Variants in CASK observed in about 807,000 individuals in gnomAD.
CASK encodes the protein peripheral plasma membrane protein CASK.
In CASK, 4 loss-of-function variants were observed where a neutral mutation model predicts 82.9. The ratio of observed to expected loss-of-function variants is 0.05; its 90% CI spans 0.02 to 0.11. The LOEUF (loss-of-function observed/expected upper bound fraction) is 0.11, where lower values mean the gene tolerates loss of function less well. Among genes scored for constraint, CASK ranks in the 10% least tolerant of loss-of-function variants. CASK has a pLI of 1.00. For synonymous variants in CASK, 259 were observed against 253.5 expected (o/e 1.02, Z -0.20); for missense variants, 358 against 720.9 (o/e 0.50, Z 5.76).
intron 4 of CASK, chrX:41,743,483 G>T: frequency 3.5e-6 from 1 of 284,817 alleles, no homozygotes; most frequent in Admixed American, 6.2e-5. Context: ...TAGATCAGAA[G>T]CCTAAAGAAC....
At chrX:41,847,135 T>G (rs778605051) in intron 2 of CASK, among the ~76,000 whole-genome samples, 1 of 111,956 alleles carries the variant, frequency 8.9e-6, no homozygotes. Flanking sequence ...ATTGGTTGTG[T>G]AGATTTATGT....
At chrX:41,707,902 G>A (rs768707932) in intron 5 of CASK, among the ~76,000 whole-genome samples, 3 of 111,343 alleles carry the variant, frequency 2.7e-5, no homozygotes, top group Non-Finnish European at 3.8e-5. Flanking sequence ...GGTGGATCAC[G>A]AAGTCAGGAG....
intron 21 of CASK, among the ~76,000 whole-genome samples, chrX:41,548,128 A>G (rs2065048616): frequency 9.0e-6 from 1 of 111,368 alleles, no homozygotes; most frequent in Non-Finnish European, 1.9e-5. Flanking sequence ...TTTTAATCTG[A>G]TTGGGTTTTG....
At chrX:41,759,454 G>A (rs896625462) in intron 3 of CASK, among the ~76,000 whole-genome samples, 3 of 111,758 alleles carry the variant, frequency 2.7e-5, no homozygotes, top group African/African-American at 9.8e-5. Context: ...AGTGTGTCCT[G>A]TGGTAGTTCT....
chrX:41,860,615 G>A (rs1405646207), intron 1 of CASK, among the ~76,000 whole-genome samples: 4 of 111,536 alleles, frequency 3.6e-5, no homozygotes, highest in Non-Finnish European at 7.5e-5. Context: ...AATGATTATC[G>A]CGGTAATCAA....
At chrX:41,734,781 G>T (rs779411630) in intron 5 of CASK, among the ~76,000 whole-genome samples, 12 of 111,250 alleles carry the variant, frequency 1.1e-4, no homozygotes, top group African/African-American at 3.9e-4. Flanking sequence ...CAATTCCCAG[G>T]ACAGCCTCCC....
intron 26 of CASK, among the ~76,000 whole-genome samples, chrX:41,523,339 G>C (rs2064665237): frequency 8.9e-6 from 1 of 112,468 alleles, no homozygotes; most frequent in Non-Finnish European, 1.9e-5. Flanking sequence ...GCTTGAGTGA[G>C]TTTAGGTCAG....
intron 3 of CASK, among the ~76,000 whole-genome samples, chrX:41,751,471 G>A (rs769239436): frequency 7.7e-4 from 84 of 109,466 alleles, no homozygotes; most frequent in Non-Finnish European, 1.1e-3. Context: ...ACAGAGAAAG[G>A]ATTACAACTC....
chrX:41,660,173 G>T, intron 8 of CASK: 1 of 421,482 alleles, frequency 2.4e-6, no homozygotes. Context: ...AACACATGTT[G>T]GCAGAGAAAA....
intron 3 of CASK, among the ~76,000 whole-genome samples, chrX:41,746,636 A>T (rs1202478542): frequency 8.9e-6 from 1 of 112,075 alleles, no homozygotes; most frequent in Non-Finnish European, 1.9e-5. Flanking sequence ...CATATTTTTA[A>T]ATCCAGTATC....
In CASK at chrX:41,539,567, T is replaced by A. The variant is rs141580962; in HGVS notation, c.2155+3124A>T. ...GCCCATCTGGTTTGGTATGAAAGGC[T>A]ATGATATTTCTAAGTTCTCAAAGCA... On this transcript the variant is annotated intron_variant, in intron 22 of 26. Transcript: ENST00000378163. Among the ~76,000 whole-genome samples the A allele has an allele frequency of 4.6e-3, 513 of 112,400 alleles. 2 individuals carry two copies. Among genetic ancestry groups the A allele is most frequent in the Non-Finnish European group, 7.6e-3 (407 of 53,297 alleles).
intron 8 of CASK, among the ~76,000 whole-genome samples, chrX:41,643,133 C>T (rs1434771556): frequency 1.8e-5 from 2 of 111,631 alleles, no homozygotes; most frequent in African/African-American, 6.5e-5. Context: ...GAGTACCATG[C>T]TGTTTTGGTA....
intron 5 of CASK, among the ~76,000 whole-genome samples, chrX:41,687,646 T>C (rs1413921307): frequency 9.0e-6 from 1 of 111,273 alleles, no homozygotes; most frequent in African/African-American, 3.3e-5. Context: ...TTAACACTAT[T>C]GAATTGTATA....
intron 2 of CASK, among the ~76,000 whole-genome samples, chrX:41,818,142 CTT>C (rs1491458691): frequency 6.5e-5 from 5 of 76,945 alleles, no homozygotes; most frequent in African/African-American, 2.6e-4. Flanking sequence ...CCCAGGAGGC[CTT>C]CTGTGTGTGT....
chrX:41,864,941 A>G (rs1025599812), intron 1 of CASK, among the ~76,000 whole-genome samples: 1 of 112,041 alleles, frequency 8.9e-6, no homozygotes, highest in Non-Finnish European at 1.9e-5. Context: ...TAATTGTAGT[A>G]ATCAGTTTCT....
At chrX:41,532,450 A>G (rs2064818235) in intron 24 of CASK, among the ~76,000 whole-genome samples, 1 of 112,040 alleles carries the variant, frequency 8.9e-6, no homozygotes, top group East Asian at 2.8e-4. Context: ...AGTATATGCC[A>G]ATAAGCTCTA....
At chrX:41,842,134 C>T (rs1396440035) in intron 2 of CASK, among the ~76,000 whole-genome samples, 2 of 111,789 alleles carry the variant, frequency 1.8e-5, no homozygotes, top group Admixed American at 1.9e-4. Context: ...ACTATTCTTT[C>T]TCCATTGAAC....
chrX:41,855,496 A>G (rs1271114838), intron 1 of CASK, among the ~76,000 whole-genome samples: 2 of 111,870 alleles, frequency 1.8e-5, no homozygotes, highest in African/African-American at 3.2e-5. Context: ...TAAAAAATTT[A>G]AAATTTGGCT....
At chrX:41,763,054 T>C (rs1280304935) in intron 3 of CASK, among the ~76,000 whole-genome samples, 1 of 110,530 alleles carries the variant, frequency 9.0e-6, no homozygotes, top group Non-Finnish European at 1.9e-5. Context: ...TACTCAGTTC[T>C]AGAAAAAAGG....
Sources: gnomAD v4.1 joint callset for allele counts (sites outside exome capture counted in the v4.1 genomes callset) on GRCh38, gnomAD v4.1.1 for gene constraint, MANE v1.5 for transcripts, NCBI Gene and HGNC (gene_info 2026-07-23, HGNC 2026-07-21) for gene names.